Variants in PLAGL1 observed in about 807,000 individuals in gnomAD.
PLAGL1 encodes PLAG1 like zinc finger 1, also known as zinc finger protein PLAGL1.
PLAGL1 carries 1 observed loss-of-function variant against 4.6 expected under a neutral mutation model. The observed-to-expected ratio is 0.22, with a 90% confidence interval of 0.08 to 1.03. The LOEUF (loss-of-function observed/expected upper bound fraction) is 1.03, where lower values mean the gene tolerates loss of function less well. PLAGL1 is among the 50% of genes least tolerant of loss of function. The pLI, the probability that PLAGL1 is intolerant of heterozygous loss-of-function variation, is 0.58. For missense variants in PLAGL1, 464 were observed against 570.4 expected (o/e 0.81, Z 1.90); for synonymous variants, 240 against 237.8 (o/e 1.01, Z -0.08).
At chr6:144,054,720 CT>C (rs1431123346) in intron 1 of PLAGL1, among the ~76,000 whole-genome samples, 3 of 151,018 alleles carry the variant, frequency 2.0e-5, no homozygotes, top group African/African-American at 7.3e-5. Flanking sequence ...TGTAACAAAC[CT>C]GCACGTTGTA....
rs903096878 is a variant in PLAGL1, at chr6:144,027,424, G to A, written c.-151+37044C>T. Among the ~76,000 whole-genome samples, 2 of 152,130 alleles carry A rather than the reference G, an allele frequency of 1.3e-5. No individual in the cohort carries two copies. Among genetic ancestry groups the A allele is most frequent in the Non-Finnish European group, 2.9e-5 (2 of 68,006 alleles). On this transcript the variant is annotated intron_variant, in intron 1 of 3. Coordinates refer to the PLAGL1 transcript ENST00000437412. The surrounding 1 kb of genome is among the most constrained non-coding windows in gnomAD (Gnocchi z 5.8). ...CATGAGAAACAGCTAGGGAAGAAGAGAAAACAGGACAAACTAGTAGGAAGA... is the reference window on the plus strand; with the variant it reads ...CATGAGAAACAGCTAGGGAAGAAGAAAAAACAGGACAAACTAGTAGGAAGA...
chr6:144,051,499 C>T (rs955393220), intron 1 of PLAGL1, among the ~76,000 whole-genome samples: 2 of 152,174 alleles, frequency 1.3e-5, no homozygotes, highest in Admixed American at 1.3e-4. Context: ...ATTGGATGCC[C>T]TTTAAACCAA....
rs1283270422 is a variant in PLAGL1 at position 144,057,832 on chromosome 6, G to T, written c.-151+6636C>A. On this transcript the variant is annotated intron_variant, in intron 1 of 3. Transcript: ENST00000437412. ...GCTTCCTCTCTTCTTTCAGCCCAAA[G>T]CCCTCAGGTTCATGGACTCATGCAA... 2.1e-5 allele frequency among the ~76,000 whole-genome samples: 3 copies of T among 144,954 alleles called. No homozygotes were observed. In the East Asian group the frequency reaches 6.0e-4, roughly 29 times the overall value.
At chr6:143,980,471 G>A (rs897054882) in intron 2 of PLAGL1, among the ~76,000 whole-genome samples, 1 of 147,820 alleles carries the variant, frequency 6.8e-6, no homozygotes, top group African/African-American at 2.5e-5. Context: ...CCTATCCAGT[G>A]TATTTTTCAA....
At position 143,943,031 on chromosome 6, in the gene PLAGL1, A is replaced by ATTTTTTTTTTTTTTTTTTTTTT. The variant is rs61216054; in HGVS notation, c.153-369_153-368insAAAAAAAAAAAAAAAAAAAAAA. 9.3e-5 allele frequency among the ~76,000 whole-genome samples: 6 copies of ATTTTTTTTTTTTTTTTTTTTTT among 64,648 alleles called. 1 individual carries two copies. Among genetic ancestry groups the ATTTTTTTTTTTTTTTTTTTTTT allele is most frequent in the African/African-American group, 3.1e-4 (6 of 19,116 alleles). The allele number at this position is 64,648 out of a possible 152,430, so 42.4% of individuals were successfully genotyped here. The stretch of plus-strand genomic sequence containing the variant: ...AGGCACACACCACCAGGCCTGGCTA[A>ATTTTTTTTTTTTTTTTTTTTTT]TTTTTTTTTTTTTTTTTTTGAGACA... On this transcript the variant is annotated intron_variant, in intron 7 of 7. Coordinates refer to ENST00000674357, the MANE Select transcript of PLAGL1 (RefSeq NM_001317162.2).
chr6:143,994,478 T>C lies in PLAGL1; in HGVS notation c.-583-9304A>G, dbSNP rs542513094. ...AGCGTATGACACTGATTTTACACTC[T>C]GCAGAAGTGCGGACAGATTTAACAA... On this transcript the variant is annotated intron_variant, in intron 1 of 7. Coordinates refer to ENST00000674357, the MANE Select transcript of PLAGL1 (RefSeq NM_001317162.2). The surrounding 1 kb of genome is among the most constrained non-coding windows in gnomAD (Gnocchi z 4.3). 1.3e-5 allele frequency among the ~76,000 whole-genome samples: 2 copies of C among 152,248 alleles called. No individual in the cohort carries two copies. The highest frequency in any genetic ancestry group is 4.8e-5 in the African/African-American group (2 of 41,466).
intron 2 of PLAGL1, among the ~76,000 whole-genome samples, chr6:143,981,824 C>A (rs917753683): frequency 2.6e-5 from 4 of 152,174 alleles, no homozygotes; most frequent in East Asian, 1.9e-4. Context: ...TTACCCAATT[C>A]TATGATCAGT....
At chr6:144,001,124 A>T (rs1301657785) in intron 1 of PLAGL1, among the ~76,000 whole-genome samples, 3 of 152,012 alleles carry the variant, frequency 2.0e-5, no homozygotes, top group Non-Finnish European at 4.4e-5. Flanking sequence ...GGAAGGGAAA[A>T]TACTAAATGA....
intron 3 of PLAGL1, chr6:143,967,986 A>C (rs1450006107): frequency 1.4e-5 from 2 of 142,842 alleles, no homozygotes; most frequent in East Asian, 4.2e-4. Context: ...ATGACCATCA[A>C]GGACATTTTG....
chr6:143,981,641 T>C (rs190437368), intron 2 of PLAGL1, among the ~76,000 whole-genome samples: 73 of 152,312 alleles, frequency 4.8e-4, no homozygotes, highest in Non-Finnish European at 8.8e-4. Flanking sequence ...TTCATATGTT[T>C]TATGGGCTTT....
Position 143,964,172 on chromosome 6 carries a change from T to C in PLAGL1, c.-399+615A>G. 6.6e-6 allele frequency among the ~76,000 whole-genome samples: 1 copy of C among 151,720 alleles called. No homozygotes were observed. The highest frequency in any genetic ancestry group is 1.9e-4 in the East Asian group (1 of 5,174). On this transcript the variant is annotated intron_variant, in intron 5 of 7. Coordinates refer to ENST00000674357, the MANE Select transcript of PLAGL1 (RefSeq NM_001317162.2). This position sits in a 1 kb window ranked among gnomAD's most constrained non-coding sequence, Gnocchi z 4.3. ...CCCCTCTGTTCCCTAAGGCAATGAG[T>C]AGAATCCTTGAGAAGACAGCTACGT...
chr6:143,942,402 G>A lies in PLAGL1; in HGVS notation c.414C>T (p.His138=). 6.2e-7 allele frequency: 1 copy of A among 1,614,172 alleles called. No homozygotes were observed. Among genetic ancestry groups the A allele is most frequent in the Non-Finnish European group, 8.5e-7 (1 of 1,180,026 alleles). ...ELGSTEVLLD[H]LKAHAEEKPP... is the part of the protein sequence containing the mutation. ...GCTTCTCTTCCGCATGGGCTTTGAG[G>A]TGGTCCAGTAGCACCTCGGTGCTCC... Residue 138 remains histidine, a synonymous_variant, in exon 8 of 8, where the codon CAC becomes CAT. Coordinates refer to ENST00000674357, the MANE Select transcript of PLAGL1 (RefSeq NM_001317162.2). This position sits in a 1 kb window ranked among gnomAD's most constrained non-coding sequence, Gnocchi z 7.6.
intron 1 of PLAGL1, among the ~76,000 whole-genome samples, chr6:143,998,166 G>GA (rs1311919553): frequency 6.6e-6 from 1 of 152,050 alleles, no homozygotes; most frequent in Non-Finnish European, 1.5e-5. Context: ...AACTTGGAAG[G>GA]AAAGTCCAAA....
rs942425422 is a variant in PLAGL1, at chr6:143,948,835, G to A, written c.-324-375C>T. Among the ~76,000 whole-genome samples the A allele has an allele frequency of 6.6e-6, 1 of 152,080 alleles. No homozygotes were observed. The highest frequency in any genetic ancestry group is 1.5e-5 in the Non-Finnish European group (1 of 68,024). On this transcript the variant is annotated intron_variant, in intron 6 of 7. Transcript: ENST00000674357. The surrounding 1 kb of genome is among the most constrained non-coding windows in gnomAD (Gnocchi z 6.0). ...CTCAGTGTGTTCAAGTGTTTTTACT[G>A]GTCCATAAACAAAAATCACCCACAC... is the stretch of plus-strand genomic sequence containing the variant.
At chr6:144,009,548 G>C (rs186713430), upstream of PLAGL1, among the ~76,000 whole-genome samples, 16 of 152,222 alleles carry the variant, frequency 1.1e-4, no homozygotes, top group Admixed American at 3.9e-4. Context: ...TAAGTTTTGG[G>C]ATACATGTGC....
At position 144,027,794 on chromosome 6, in the gene PLAGL1, T is replaced by A. The variant is rs530292991; in HGVS notation, c.-151+36674A>T. ...TATTTGCTAAACTTACTATTATATA[T>A]CCATTCTAATAATCTCCATTTCTCC... On this transcript the variant is annotated intron_variant, in intron 1 of 3. Coordinates refer to the PLAGL1 transcript ENST00000437412. The surrounding 1 kb of genome is among the most constrained non-coding windows in gnomAD (Gnocchi z 5.8). 2.6e-5 allele frequency among the ~76,000 whole-genome samples: 4 copies of A among 152,348 alleles called. No individual in the cohort carries two copies. The South Asian group carries it at 8.3e-4, about 32-fold the overall frequency.
chr6:144,040,609 G>A (rs944375396), intron 1 of PLAGL1, among the ~76,000 whole-genome samples: 1 of 152,066 alleles, frequency 6.6e-6, no homozygotes, highest in African/African-American at 2.4e-5. Flanking sequence ...AGGCACAGTG[G>A]CTCACACCTG....
In PLAGL1 at chr6:143,995,851, T is replaced by G. The variant is rs1168490932; in HGVS notation, c.-583-10677A>C. On this transcript the variant is annotated intron_variant, in intron 1 of 7. Coordinates refer to ENST00000674357, the MANE Select transcript of PLAGL1 (RefSeq NM_001317162.2). This position sits in a 1 kb window ranked among gnomAD's most constrained non-coding sequence, Gnocchi z 4.4. The stretch of plus-strand genomic sequence containing the variant: ...TTTTTGTTTCAAAGCCCAGTAATAA[T>G]AAGTATTTCCATAAAATACCTACAT... Among the ~76,000 whole-genome samples the G allele has an allele frequency of 6.6e-6, 1 of 152,192 alleles. No individual in the cohort carries two copies. The highest frequency in any genetic ancestry group is 2.4e-5 in the African/African-American group (1 of 41,452).
At chr6:144,045,660 T>C (rs554066328) in intron 1 of PLAGL1, among the ~76,000 whole-genome samples, 7 of 152,310 alleles carry the variant, frequency 4.6e-5, no homozygotes, top group Middle Eastern at 3.4e-3. Flanking sequence ...CTGACAGTTA[T>C]GTGTCTTGGG....
Sources: allele counts gnomAD v4.1 joint callset (sites outside exome capture counted in the v4.1 genomes callset), GRCh38; gene constraint gnomAD v4.1.1; non-coding constraint Gnocchi (gnomAD v3.1); transcripts MANE v1.5; gene names NCBI Gene and HGNC (gene_info 2026-07-23, HGNC 2026-07-21).